The following DNAH11 variants were observed in gnomAD, a reference collection of about 807,000 sequenced individuals.
DNAH11 encodes the protein axonemal beta dynein heavy chain 11.
Under a neutral mutation model 526.0 loss-of-function variants are expected in DNAH11, and 442 were observed. The ratio of observed to expected loss-of-function variants is 0.84; its 90% CI spans 0.78 to 0.91. The LOEUF is 0.91. Ranked by LOEUF, DNAH11 falls within the 40% of genes least tolerant of loss-of-function variation. DNAH11 has a pLI of 0.00. For missense variants in DNAH11, 6,989 were observed against 5,448.7 expected (o/e 1.28, Z -8.90); for synonymous variants, 2,461 against 1,935.9 (o/e 1.27, Z -7.12).
At chr7:21,777,914 C>T (rs1484602684) in intron 56 of DNAH11, among the ~76,000 whole-genome samples, 2 of 152,140 alleles carry the variant, frequency 1.3e-5, no homozygotes, top group African/African-American at 4.8e-5. Flanking sequence ...AAGATGAAAC[C>T]ACTGAAATGT....
At chr7:21,738,953 TAATTATTATGGATG>T (rs1380863497) in intron 47 of DNAH11, 87 bp downstream of exon 47, 54 of 1,187,014 alleles carry the variant, frequency 4.5e-5, no homozygotes, top group Middle Eastern at 2.4e-4. Context: ...TTATTATGAA[TAATTATTATGGATG>T]AATTATTATG....
intron 28 of DNAH11, among the ~76,000 whole-genome samples, chr7:21,648,314 A>T (rs1302138620): frequency 6.6e-6 from 1 of 152,208 alleles, no homozygotes; most frequent in African/African-American, 2.4e-5. Flanking sequence ...TTTGAATGTG[A>T]TGTGGCCGTA....
At chr7:21,860,071 G>A (rs1200097500) in intron 68 of DNAH11, among the ~76,000 whole-genome samples, 3 of 152,146 alleles carry the variant, frequency 2.0e-5, no homozygotes, top group African/African-American at 4.8e-5. Flanking sequence ...TACCCAAGAG[G>A]CTGAGGTGGG....
chr7:21,728,565 C>T (rs1177844324), intron 45 of DNAH11, among the ~76,000 whole-genome samples: 1 of 152,034 alleles, frequency 6.6e-6, no homozygotes, highest in Admixed American at 6.6e-5. Context: ...GGCCTACCAA[C>T]AGCCCAAAAT....
At chr7:21,723,418 C>T (rs2128484739) in intron 44 of DNAH11, among the ~76,000 whole-genome samples, 1 of 152,340 alleles carries the variant, frequency 6.6e-6, no homozygotes, top group East Asian at 1.9e-4. Flanking sequence ...TTGCAGCCAA[C>T]CTCCAAAACA....
At chr7:21,708,445 C>G (rs1319071499) in intron 40 of DNAH11, among the ~76,000 whole-genome samples, 2 of 152,212 alleles carry the variant, frequency 1.3e-5, no homozygotes, top group South Asian at 2.1e-4. Context: ...GCCATCATGT[C>G]TCGCCTGTAC....
At chr7:21,728,661 C>A (rs1247481428) in intron 45 of DNAH11, among the ~76,000 whole-genome samples, 2 of 152,186 alleles carry the variant, frequency 1.3e-5, no homozygotes, top group African/African-American at 4.8e-5. Flanking sequence ...CAGTTCATTT[C>A]ATGAATTGAG....
In DNAH11 at chr7:21,867,961, C is replaced by A; in HGVS notation, c.11793C>A (p.Phe3931Leu). ...EESSPATPIF[F>L]ILSPGVDALK... is the part of the protein sequence containing the mutation. ...GCAGCCCAGCCACCCCCATATTCTT[C>A]ATCCTGTCTCCGGGGGTAGATGCCC... The change falls in exon 72 of 82, where the codon TTC (phenylalanine) becomes TTA (leucine). Residue 3931 changes from phenylalanine to leucine, a missense_variant. Physicochemically the swap from Phe to Leu is conservative, Grantham distance 22 (BLOSUM62 0). Transcript: ENST00000409508. The A allele has an allele frequency of 6.4e-7, 1 of 1,566,132 alleles. No homozygotes were observed. The highest frequency in any genetic ancestry group is 8.7e-7 in the Non-Finnish European group (1 of 1,154,198).
intron 54 of DNAH11, among the ~76,000 whole-genome samples, chr7:21,750,780 G>A (rs904225714): frequency 2.6e-5 from 4 of 152,190 alleles, no homozygotes; most frequent in Non-Finnish European, 4.4e-5. Flanking sequence ...AATTCAAGGG[G>A]AGGAACTTTC....
chr7:21,758,642 C>T (rs193098315), intron 54 of DNAH11, among the ~76,000 whole-genome samples: 16 of 152,180 alleles, frequency 1.1e-4, no homozygotes, highest in Admixed American at 5.9e-4. Flanking sequence ...AAAGATATCA[C>T]GAAAAAGTAA....
At chr7:21,690,498 T>C (rs1046095722) in intron 34 of DNAH11, among the ~76,000 whole-genome samples, 1 of 152,210 alleles carries the variant, frequency 6.6e-6, no homozygotes, top group Non-Finnish European at 1.5e-5. Flanking sequence ...GTCAAGTCTT[T>C]ATTTTTATAT....
At position 21,687,007 on chromosome 7, in the gene DNAH11, G is replaced by T. The variant is rs1420547281; in HGVS notation, c.5622-92G>T. The T allele has an allele frequency of 3.3e-6, 4 of 1,227,048 alleles. No homozygotes were observed. The East Asian group carries it at 1.0e-4, about 32-fold the overall frequency. 76.0% of individuals were successfully genotyped at this position (1,227,048 alleles called of 1,614,324 possible). On this transcript the variant is annotated intron_variant, in intron 32 of 81. Coordinates refer to ENST00000409508, the MANE Select transcript of DNAH11 (RefSeq NM_001277115.2). ...TTTTATGCTACTATCACATTCTAGA[G>T]CTTCTTAAACTTTTTTTCTAATGTA...
intron 52 of DNAH11, among the ~76,000 whole-genome samples, chr7:21,749,018 C>G (rs556329727): frequency 6.6e-6 from 1 of 152,232 alleles, no homozygotes; most frequent in Admixed American, 6.5e-5. Context: ...ACACAAATGT[C>G]TTTCTGTTTT....
intron 9 of DNAH11, among the ~76,000 whole-genome samples, chr7:21,586,289 T>C (rs1226677741): frequency 6.6e-6 from 1 of 152,238 alleles, no homozygotes; most frequent in East Asian, 1.9e-4. Flanking sequence ...TTATCATTTC[T>C]TGTTGGAATA....
chr7:21,784,371 A>G (rs1788082189), intron 57 of DNAH11, 56 bp from the exon 58 acceptor site: 2 of 1,312,822 alleles, frequency 1.5e-6, no homozygotes, highest in Non-Finnish European at 1.1e-6. Flanking sequence ...ATTTTTCTTT[A>G]GAGATATCTG....
intron 35 of DNAH11, among the ~76,000 whole-genome samples, chr7:21,694,586 T>A (rs57283941): frequency 0.13 from 20,487 of 152,154 alleles, 1,422 homozygotes; most frequent in East Asian, 0.21. Context: ...CATTTTCTTT[T>A]TCCAGTCTAT....
chr7:21,559,766 G>C lies in DNAH11; in HGVS notation c.856G>C (p.Glu286Gln), dbSNP rs1783382188. ...AELDFWMMRR[E>Q]NLSCIYDQLQ... ...ACTAGATTTCTGGATGATGAGGAGA[G>C]AAAATCTGTCATGCATTTATGATCA... The change falls in exon 4 of 82, where the codon GAA (glutamate) becomes CAA (glutamine). Residue 286 changes from glutamate to glutamine, a missense_variant. Glu to Gln is a conservative substitution (Grantham distance 29, BLOSUM62 2). Coordinates refer to ENST00000409508, the MANE Select transcript of DNAH11 (RefSeq NM_001277115.2). 1 of 1,603,892 alleles carries C rather than the reference G, an allele frequency of 6.2e-7. No homozygotes were observed. Among genetic ancestry groups the C allele is most frequent in the African/African-American group, 1.3e-5 (1 of 74,926 alleles).
At chr7:21,805,246 G>A (rs755981897) in intron 62 of DNAH11, among the ~76,000 whole-genome samples, 1 of 152,116 alleles carries the variant, frequency 6.6e-6, no homozygotes, top group Non-Finnish European at 1.5e-5. Flanking sequence ...AGCATTTATT[G>A]CATGAACGTA....
At chr7:21,791,326 G>C (rs1028455936) in intron 61 of DNAH11, among the ~76,000 whole-genome samples, 1 of 152,196 alleles carries the variant, frequency 6.6e-6, no homozygotes. Context: ...TTTCTTTAGG[G>C]AAGAATCTCT....
Sources: allele counts gnomAD v4.1 joint callset (sites outside exome capture counted in the v4.1 genomes callset), GRCh38; gene constraint gnomAD v4.1.1; transcripts MANE v1.5; gene names NCBI Gene and HGNC (gene_info 2026-07-23, HGNC 2026-07-21).